The following TRIP12 variants were observed in gnomAD, a reference collection of about 807,000 sequenced individuals.
TRIP12 encodes E3 ubiquitin-protein ligase TRIP12.
Under a neutral mutation model 244.2 loss-of-function variants are expected in TRIP12, and 25 were observed. The ratio of observed to expected loss-of-function variants is 0.10; its 90% CI spans 0.07 to 0.14. TRIP12 has a LOEUF of 0.14. TRIP12 is among the 10% of genes least tolerant of loss of function. The probability of loss-of-function intolerance (pLI) is 1.00; values close to 1 mark genes in which losing one functional copy is unlikely to be tolerated. For missense variants in TRIP12, 1,677 were observed against 2,486.4 expected, an observed-to-expected ratio of 0.67 and a Z score of 6.92; for synonymous variants, 905 against 873.1, an observed-to-expected ratio of 1.04 and a Z score of -0.64.
chr2:229,872,841 T>C (rs571508761), intron 2 of TRIP12, among the ~76,000 whole-genome samples: 3 of 152,322 alleles, frequency 2.0e-5, no homozygotes, highest in South Asian at 2.1e-4. Context: ...TATCTTCTAA[T>C]GGGTAACTCC....
At chr2:229,793,905 C>T (rs2042163676) in intron 26 of TRIP12, among the ~76,000 whole-genome samples, 1 of 151,720 alleles carries the variant, frequency 6.6e-6, no homozygotes. Context: ...TTTATGTGGC[C>T]CAAGACAATT....
chr2:229,777,219 T>G (rs1363024341), intron 37 of TRIP12, 96 bp downstream of exon 37: 12 of 1,332,986 alleles, frequency 9.0e-6, no homozygotes, highest in African/African-American at 2.9e-5. Flanking sequence ...AATAAAACAT[T>G]AATATAACAA....
chr2:229,890,080 CTTTT>C (rs11303479), intron 1 of TRIP12, among the ~76,000 whole-genome samples: 14 of 130,126 alleles, frequency 1.1e-4, no homozygotes, highest in South Asian at 2.5e-4. Context: ...GAGGTTAACT[CTTTT>C]TTTTTTTTTT....
chr2:229,871,600 C>T (rs112765874), intron 2 of TRIP12, among the ~76,000 whole-genome samples: 49 of 152,312 alleles, frequency 3.2e-4, no homozygotes, highest in African/African-American at 1.0e-3. Flanking sequence ...CTGAGGCCCT[C>T]ACCAGGAGCA....
At chr2:229,918,246 A>G (rs553041682) in intron 1 of TRIP12, among the ~76,000 whole-genome samples, 1 of 152,330 alleles carries the variant, frequency 6.6e-6, no homozygotes, top group South Asian at 2.1e-4. Flanking sequence ...TGCTTGATTT[A>G]AATGAGGGAA....
chr2:229,834,685 AG>A (rs1185278169), intron 6 of TRIP12, among the ~76,000 whole-genome samples: 2 of 152,244 alleles, frequency 1.3e-5, no homozygotes, highest in East Asian at 1.9e-4. Context: ...ACTTGAACCC[AG>A]GAGGCAGAGG....
In TRIP12 at chr2:229,765,348, T is replaced by C. The variant is rs1261616381; in HGVS notation, c.*2206A>G. The C allele has an allele frequency of 6.6e-6, 1 of 152,224 alleles. No individual in the cohort carries two copies. The highest frequency in any genetic ancestry group is 1.5e-5 in the Non-Finnish European group (1 of 68,046). 9.4% of individuals were successfully genotyped at this position (152,224 alleles called of 1,614,324 possible). A position where few individuals can be genotyped will look rare whatever the true frequency, so the allele number is the denominator to read the frequency against. On this transcript the variant is annotated 3_prime_UTR_variant, in exon 42 of 42. Transcript: ENST00000675903. ...TAACAGCAAATGAAGTATATACTTTTTCCCTCTGGTGCAATAAGGCCTCTG... is the reference window on the plus strand; with the variant it reads ...TAACAGCAAATGAAGTATATACTTTCTCCCTCTGGTGCAATAAGGCCTCTG...
chr2:229,801,793 T>C (rs958971476), intron 21 of TRIP12, among the ~76,000 whole-genome samples: 2 of 152,204 alleles, frequency 1.3e-5, no homozygotes, highest in Admixed American at 6.5e-5. Flanking sequence ...CAATTAAAGA[T>C]AAATGGGGAA....
In TRIP12 at chr2:229,778,354, A is replaced by T; in HGVS notation, c.5364+79T>A. 6.6e-7 allele frequency: 1 copy of T among 1,526,298 alleles called. No individual in the cohort carries two copies. Among genetic ancestry groups the T allele is most frequent in the Non-Finnish European group, 9.0e-7 (1 of 1,115,734 alleles). The allele number at this position is 1,526,298 out of a possible 1,614,324, so 94.5% of individuals were successfully genotyped here. On this transcript the variant is annotated intron_variant, in intron 36 of 41. Transcript: ENST00000675903. This position sits in a 1 kb window ranked among gnomAD's most constrained non-coding sequence, Gnocchi z 4.1. ...GAGAAGCATTGCTCTAAACTATAGC[A>T]GTAAACTACAGGGGACTGAGGTACT...
Position 229,764,494 on chromosome 2 carries a change from T to C in TRIP12, c.*3060A>G, listed in dbSNP as rs554515150. ...AAGGATTTGGCATATGAATGCACTT[T>C]TATGAAAAACTTCATCACATTTTTT... On this transcript the variant is annotated 3_prime_UTR_variant, in exon 42 of 42. Transcript: ENST00000675903. The C allele has an allele frequency of 3.3e-5, 5 of 152,372 alleles. No homozygotes were observed. The South Asian group carries it at 1.0e-3, about 32-fold the overall frequency. 9.4% of individuals were successfully genotyped at this position (152,372 alleles called of 1,614,324 possible).
At chr2:229,904,518 G>T (rs1401522000) in intron 1 of TRIP12, among the ~76,000 whole-genome samples, 1 of 151,460 alleles carries the variant, frequency 6.6e-6, no homozygotes, top group Non-Finnish European at 1.5e-5. Flanking sequence ...AACTAATAAT[G>T]CAACAGGAAG....
chr2:229,859,572 C>A lies in TRIP12; in HGVS notation c.227G>T (p.Ser76Ile). Residue 76 changes from serine to isoleucine, a missense_variant and splice_region_variant, in exon 4 of 42, where the codon AGC becomes ATC. Coordinates refer to ENST00000675903, the MANE Select transcript of TRIP12 (RefSeq NM_001348323.3). ...ELSRGHLSKRSCSSSSAVIVP... is the reference protein window; with the variant it reads ...ELSRGHLSKRICSSSSAVIVP... ...TATCACAGCAGATGATGAACTGCAG[C>A]TTCTAAGAGGTTAGATAAGAAAACA... 6.2e-7 allele frequency: 1 copy of A among 1,609,790 alleles called. No homozygotes were observed. The highest frequency in any genetic ancestry group is 1.3e-5 in the African/African-American group (1 of 74,766).
intron 2 of TRIP12, among the ~76,000 whole-genome samples, chr2:229,868,835 C>A (rs1396994809): frequency 1.3e-5 from 2 of 152,196 alleles, no homozygotes; most frequent in Non-Finnish European, 2.9e-5. Context: ...TATAAACATC[C>A]TATGACAGCT....
intron 1 of TRIP12, among the ~76,000 whole-genome samples, chr2:229,917,379 T>C (rs1314644384): frequency 1.0e-4 from 2 of 19,154 alleles, no homozygotes; most frequent in Admixed American, 8.9e-4. Flanking sequence ...AGACTCTGTC[T>C]CAAAAAAAAA....
chr2:229,894,324 C>T (rs2068160912), intron 1 of TRIP12: 1 of 152,088 alleles, frequency 6.6e-6, no homozygotes, highest in Admixed American at 6.6e-5. Flanking sequence ...TCATTTCAAG[C>T]TTTTTAAAAA....
chr2:229,848,489 A>G (rs531427268), intron 4 of TRIP12, among the ~76,000 whole-genome samples: 5 of 152,192 alleles, frequency 3.3e-5, no homozygotes, highest in Admixed American at 6.5e-5. Flanking sequence ...AACATGGGGG[A>G]AAAAAAGCAT....
At chr2:229,918,652 G>C (rs573473023) in intron 1 of TRIP12, among the ~76,000 whole-genome samples, 4 of 152,124 alleles carry the variant, frequency 2.6e-5, no homozygotes, top group African/African-American at 9.6e-5. Context: ...AAAAAAAGAA[G>C]GTAACTTTAA....
intron 17 of TRIP12, 124 bp downstream of exon 17, chr2:229,807,584 G>T: frequency 1.6e-6 from 2 of 1,250,598 alleles, no homozygotes; most frequent in Non-Finnish European, 2.3e-6. Context: ...GAGACAAAAT[G>T]AGAGAATCTT....
In TRIP12 at chr2:229,858,920, C is replaced by T; in HGVS notation, c.879G>A (p.Gln293=). ...ATTTTGAAGAGCCACCAGTTTTACT[C>T]TGTTCCTTTTCCCTGCTACTTCTTC... ...SPRRSSREKE[Q]SKTGGSSKFD... Residue 293 remains glutamine (Q), a synonymous_variant, in exon 4 of 42, where the codon CAG becomes CAA. Transcript: ENST00000675903. 6.2e-7 allele frequency: 1 copy of T among 1,614,224 alleles called. No homozygotes were observed. Among genetic ancestry groups the T allele is most frequent in the Non-Finnish European group, 8.5e-7 (1 of 1,180,038 alleles).
Sources: allele counts gnomAD v4.1 joint callset (sites outside exome capture counted in the v4.1 genomes callset), GRCh38; gene constraint gnomAD v4.1.1; non-coding constraint Gnocchi (gnomAD v3.1); transcripts MANE v1.5; gene names NCBI Gene and HGNC (gene_info 2026-07-23, HGNC 2026-07-21).